GALNT13: variants seen among roughly 807,000 people sequenced by gnomAD.
The protein encoded by GALNT13 is polypeptide N-acetylgalactosaminyltransferase 13, also known as UDP-GalNAc:polypeptide N-acetylgalactosaminyltransferase 13.
In GALNT13, 28 loss-of-function variants were observed where a neutral mutation model predicts 64.2. The observed-to-expected ratio is 0.44, with a 90% confidence interval of 0.32 to 0.60. The LOEUF is 0.60. Ranked by LOEUF, GALNT13 falls within the 20% of genes least tolerant of loss-of-function variation. The pLI, the probability that GALNT13 is intolerant of heterozygous loss-of-function variation, is 0.05. For missense variants in GALNT13, 577 were observed against 669.8 expected (o/e 0.86, Z 1.53); for synonymous variants, 214 against 224.6 (o/e 0.95, Z 0.42).
chr2:153,548,784 A>G, the GALNT13 span, among the ~76,000 whole-genome samples: 1 of 152,222 alleles, frequency 6.6e-6, no homozygotes, highest in Non-Finnish European at 1.5e-5. Flanking sequence ...GTGTATACCC[A>G]TGACAACTGA....
At chr2:153,179,691 G>T in the GALNT13 span, among the ~76,000 whole-genome samples, 1 of 152,112 alleles carries the variant, frequency 6.6e-6, no homozygotes, top group African/African-American at 2.4e-5. Context: ...TGAACACGAG[G>T]TATCTTTCCA....
Position 154,413,338 on chromosome 2 carries a change from A to T in GALNT13, c.1395+4256A>T, listed in dbSNP as rs533913980. 3.3e-5 allele frequency among the ~76,000 whole-genome samples: 5 copies of T among 152,056 alleles called. No homozygotes were observed. The South Asian group carries it at 1.0e-3, about 31-fold the overall frequency. On this transcript the variant is annotated intron_variant, in intron 11 of 12. Coordinates refer to ENST00000392825, the MANE Select transcript of GALNT13 (RefSeq NM_052917.4). ...CACTTCTATGGAAAAATGTCCCTAC[A>T]TCTTAGTCCTTTTATAACCAGGATC...
intron 3 of GALNT13, among the ~76,000 whole-genome samples, chr2:154,054,163 A>G (rs1297499904): frequency 6.6e-6 from 1 of 151,910 alleles, no homozygotes; most frequent in Non-Finnish European, 1.5e-5. Flanking sequence ...TTGAGTCTAT[A>G]TTATGCTGAT....
chr2:154,383,429 C>G (rs78258064), intron 9 of GALNT13, among the ~76,000 whole-genome samples: 3,562 of 151,938 alleles, frequency 0.023, 68 homozygotes, highest in Non-Finnish European at 0.035. Context: ...TGTTTACAGT[C>G]TGCCTAGATA....
At chr2:154,140,582 A>C in intron 4 of GALNT13, 77 bp downstream of exon 4, 2 of 1,010,926 alleles carry the variant, frequency 2.0e-6, no homozygotes, top group Non-Finnish European at 3.0e-6. Context: ...GAGCTAACTC[A>C]GATTATATCA....
the GALNT13 span, among the ~76,000 whole-genome samples, chr2:153,721,132 C>A: frequency 2.7e-5 from 4 of 145,976 alleles, no homozygotes; most frequent in East Asian, 8.3e-4. Context: ...ACCCTACAAG[C>A]CAGAAGAGAG....
chr2:153,989,223 C>G (rs1022443571), intron 3 of GALNT13, among the ~76,000 whole-genome samples: 31 of 151,746 alleles, frequency 2.0e-4, no homozygotes, highest in African/African-American at 6.8e-4. Context: ...ATTTTTTGGC[C>G]TATATAATCT....
At chr2:154,223,037 T>C (rs1462981168) in intron 4 of GALNT13, among the ~76,000 whole-genome samples, 1 of 152,174 alleles carries the variant, frequency 6.6e-6, no homozygotes, top group Non-Finnish European at 1.5e-5. Flanking sequence ...ATGTAACTTC[T>C]ATTTATTAAA....
At chr2:153,207,392 G>A in the GALNT13 span, among the ~76,000 whole-genome samples, 1 of 152,060 alleles carries the variant, frequency 6.6e-6, no homozygotes, top group African/African-American at 2.4e-5. Context: ...TGTAGGAAGT[G>A]TTGTGTTCTT....
the GALNT13 span, among the ~76,000 whole-genome samples, chr2:153,396,873 TTGTC>T: frequency 6.6e-6 from 1 of 152,152 alleles, no homozygotes; most frequent in Non-Finnish European, 1.5e-5. Context: ...CCATTTGTGT[TTGTC>T]TGGCTTCACA....
chr2:153,199,872 G>T, the GALNT13 span, among the ~76,000 whole-genome samples: 1 of 152,156 alleles, frequency 6.6e-6, no homozygotes, highest in Non-Finnish European at 1.5e-5. Context: ...GAGGAATGAA[G>T]GATGATACAG....
chr2:153,240,116 T>C, the GALNT13 span, among the ~76,000 whole-genome samples: 16 of 152,314 alleles, frequency 1.1e-4, no homozygotes, highest in African/African-American at 3.8e-4. Context: ...ATATAGTTGC[T>C]TATCTTAACC....
the GALNT13 span, among the ~76,000 whole-genome samples, chr2:153,749,472 T>G: frequency 6.6e-6 from 1 of 152,044 alleles, no homozygotes; most frequent in Non-Finnish European, 1.5e-5. Context: ...TCTATGAACA[T>G]GGAATACATT....
the GALNT13 span, among the ~76,000 whole-genome samples, chr2:153,200,446 G>T: frequency 6.6e-6 from 1 of 152,308 alleles, no homozygotes; most frequent in African/African-American, 2.4e-5. Context: ...AGTGTGACCT[G>T]TGGAAACCCT....
chr2:154,288,337 G>C (rs761140720), intron 8 of GALNT13, among the ~76,000 whole-genome samples: 8 of 151,974 alleles, frequency 5.3e-5, no homozygotes, highest in Non-Finnish European at 1.2e-4. Flanking sequence ...GATTTGGGTG[G>C]AGACAGAGCC....
At chr2:154,322,077 C>A (rs1026829401) in intron 9 of GALNT13, among the ~76,000 whole-genome samples, 8 of 148,156 alleles carry the variant, frequency 5.4e-5, no homozygotes, top group Non-Finnish European at 1.0e-4. Context: ...GACCAAAGGC[C>A]TAGGATTCTA....
At chr2:153,907,451 T>G (rs373450438) in intron 2 of GALNT13, among the ~76,000 whole-genome samples, 4 of 151,926 alleles carry the variant, frequency 2.6e-5, no homozygotes, top group African/African-American at 9.7e-5. Flanking sequence ...GTTTGTTATG[T>G]AGGTAAACTT....
At chr2:153,312,116 A>C in the GALNT13 span, among the ~76,000 whole-genome samples, 3 of 152,194 alleles carry the variant, frequency 2.0e-5, no homozygotes, top group Non-Finnish European at 4.4e-5. Flanking sequence ...CTGAATATTC[A>C]GGTTTATGTC....
At chr2:154,242,456 C>T (rs1251329188) in intron 5 of GALNT13, among the ~76,000 whole-genome samples, 1 of 152,050 alleles carries the variant, frequency 6.6e-6, no homozygotes, top group Non-Finnish European at 1.5e-5. Flanking sequence ...GCCAAAATGA[C>T]TTTCAAAAAT....
Sources: allele counts gnomAD v4.1 joint callset (sites outside exome capture counted in the v4.1 genomes callset), GRCh38; gene constraint gnomAD v4.1.1; transcripts MANE v1.5; gene names NCBI Gene and HGNC (gene_info 2026-07-23, HGNC 2026-07-21).